The following PBX1 variants were observed in gnomAD, a reference collection of about 807,000 sequenced individuals.
The protein encoded by PBX1 is PBX homeobox 1.
Under a neutral mutation model 53.4 loss-of-function variants are expected in PBX1, and 6 were observed. The observed-to-expected ratio is 0.11, with a 90% CI of 0.06 to 0.22. The LOEUF (loss-of-function observed/expected upper bound fraction) is 0.22, where lower values mean the gene tolerates loss of function less well. PBX1 is among the 10% of genes least tolerant of loss of function. The pLI is 1.00. For missense variants in PBX1, 251 were observed against 551.4 expected (o/e 0.46, Z 5.46); for synonymous variants, 204 against 212.3 (o/e 0.96, Z 0.34).
chr1:164,703,909 T>A (rs1663276729), intron 2 of PBX1, among the ~76,000 whole-genome samples: 1 of 152,194 alleles, frequency 6.6e-6, no homozygotes, highest in Non-Finnish European at 1.5e-5. Flanking sequence ...AATCTCTTTT[T>A]ATTGGCATTT....
rs559629839 is a variant in PBX1 at position 164,758,827 on chromosome 1, C to T, written c.266-33667C>T. ...ATGAGCTGAGTGCCTGTTGTGCTCA[C>T]CTAGCATCGTGTCTGGCACATAGTA... On this transcript the variant is annotated intron_variant, in intron 2 of 8. Transcript: ENST00000420696. 4.6e-5 allele frequency among the ~76,000 whole-genome samples: 7 copies of T among 152,238 alleles called. No individual in the cohort carries two copies. In the South Asian group the frequency reaches 8.3e-4, roughly 18 times the overall value.
At chr1:164,619,132 GA>G (rs1382302469) in intron 2 of PBX1, among the ~76,000 whole-genome samples, 1 of 152,106 alleles carries the variant, frequency 6.6e-6, no homozygotes, top group Non-Finnish European at 1.5e-5. Flanking sequence ...AAACTCACAG[GA>G]AACCAGCTCT....
intron 2 of PBX1, among the ~76,000 whole-genome samples, chr1:164,720,924 C>T (rs1349952206): frequency 1.3e-5 from 2 of 152,336 alleles, no homozygotes; most frequent in African/African-American, 4.8e-5. Flanking sequence ...GGTATATTTA[C>T]AGTGACTGTG....
At chr1:164,751,239 C>T (rs1666195577) in intron 2 of PBX1, among the ~76,000 whole-genome samples, 1 of 149,398 alleles carries the variant, frequency 6.7e-6, no homozygotes, top group Non-Finnish European at 1.5e-5. Context: ...CGCTTGAGCC[C>T]AGGAGGTGGA....
At chr1:164,749,077 C>G (rs886840861) in intron 2 of PBX1, among the ~76,000 whole-genome samples, 3 of 152,128 alleles carry the variant, frequency 2.0e-5, no homozygotes, top group African/African-American at 7.2e-5. Context: ...AGATATTCTT[C>G]CTTGTCTTCA....
At chr1:164,799,997 A>C in intron 4 of PBX1, 108 bp downstream of exon 4, 1 of 992,896 alleles carries the variant, frequency 1.0e-6, no homozygotes, top group Non-Finnish European at 1.5e-6. Flanking sequence ...ATCAACGCTG[A>C]ACCAAGTGAT....
At chr1:164,679,632 G>A (rs746214616) in intron 2 of PBX1, among the ~76,000 whole-genome samples, 5 of 152,132 alleles carry the variant, frequency 3.3e-5, no homozygotes, top group Non-Finnish European at 7.3e-5. Flanking sequence ...CCCAACACCT[G>A]TATTGAATCT....
In PBX1 at chr1:164,820,176, C is replaced by G; in HGVS notation, c.1102C>G (p.Gln368Glu). The G allele has an allele frequency of 6.2e-7, 1 of 1,601,214 alleles. No individual in the cohort carries two copies. Among genetic ancestry groups the G allele is most frequent in the East Asian group, 2.2e-5 (1 of 44,808 alleles). The change falls in exon 7 of 9, where the codon CAA (glutamine) becomes GAA (glutamate). Residue 368 changes from glutamine to glutamate, a missense_variant. Gln to Glu is a conservative substitution (Grantham distance 29). Coordinates refer to ENST00000420696, the MANE Select transcript of PBX1 (RefSeq NM_002585.4). ...YQGAQVGANVQSQVDTLRHVI... is the reference protein window; with the variant it reads ...YQGAQVGANVESQVDTLRHVI... The stretch of plus-strand genomic sequence containing the variant: ...AGGGGCCCAGGTTGGAGCCAACGTG[C>G]AATCACAGGTAGGGACCCAGCCAAT...
chr1:164,849,294 A>T lies in PBX1; in HGVS notation c.*2618A>T. The T allele has an allele frequency of 2.6e-6, 4 of 1,534,672 alleles. No homozygotes were observed. The highest frequency in any genetic ancestry group is 3.5e-6 in the Non-Finnish European group (4 of 1,146,148). On this transcript the variant is annotated 3_prime_UTR_variant, in exon 9 of 9. Coordinates refer to ENST00000420696, the MANE Select transcript of PBX1 (RefSeq NM_002585.4). Reference sequence around the variant, plus strand: ...GTTTTCACTGATGATCACCTTTCACAGCATTTTCCCCAACCAGCATTTCAC... The same window carrying T: ...GTTTTCACTGATGATCACCTTTCACTGCATTTTCCCCAACCAGCATTTCAC...
intron 2 of PBX1, among the ~76,000 whole-genome samples, chr1:164,744,530 T>A (rs1345964342): frequency 6.6e-6 from 1 of 152,220 alleles, no homozygotes; most frequent in Non-Finnish European, 1.5e-5. Flanking sequence ...CATTAGATCC[T>A]CTCAGAACTC....
rs539551033 is a variant in PBX1 at position 164,652,292 on chromosome 1, G to A, written c.265+88981G>A. Among the ~76,000 whole-genome samples, 42 of 152,182 alleles carry A rather than the reference G, an allele frequency of 2.8e-4. 1 individual carries two copies. The South Asian group carries it at 8.5e-3, about 31-fold the overall frequency. On this transcript the variant is annotated intron_variant, in intron 2 of 8. Transcript: ENST00000420696. The stretch of plus-strand genomic sequence containing the variant: ...AGGACGGTCTCTATCTCCTGACCTC[G>A]TATAAATTTAAATAACCCCTGTGGG...
chr1:164,629,396 A>G (rs1658263078), intron 2 of PBX1, among the ~76,000 whole-genome samples: 1 of 152,124 alleles, frequency 6.6e-6, no homozygotes, highest in Non-Finnish European at 1.5e-5. Flanking sequence ...TTGACAGGTT[A>G]CCATGTGCAT....
chr1:164,880,664 C>T (rs1394200678), intron 2 of PBX1, among the ~76,000 whole-genome samples: 1 of 152,204 alleles, frequency 6.6e-6, no homozygotes, highest in African/African-American at 2.4e-5. Flanking sequence ...TGCCTTTGGT[C>T]AAGTGCTAAA....
rs532926096 is a variant in PBX1 at position 164,846,128 on chromosome 1, G to A, written c.1201-456G>A. Among the ~76,000 whole-genome samples the A allele has an allele frequency of 3.2e-4, 48 of 151,946 alleles. No individual in the cohort carries two copies. The South Asian group carries it at 7.7e-3, about 24-fold the overall frequency. On this transcript the variant is annotated intron_variant, in intron 8 of 8. Transcript: ENST00000420696. The stretch of plus-strand genomic sequence containing the variant: ...AATACCTGGAATCCCATAAATACAT[G>A]GGACATCCAGAGTCAGAAAGAACCC...
At chr1:164,819,903 T>C (rs759569341) in intron 6 of PBX1, 169 bp from the exon 7 acceptor site, 17 of 580,864 alleles carry the variant, frequency 2.9e-5, no homozygotes, top group Non-Finnish European at 4.6e-5. Flanking sequence ...CACCCTTTAT[T>C]GCTTGCTCTG....
intron 2 of PBX1, among the ~76,000 whole-genome samples, chr1:164,720,594 A>G (rs1176187118): frequency 6.6e-6 from 1 of 152,218 alleles, no homozygotes; most frequent in Non-Finnish European, 1.5e-5. Flanking sequence ...GGAAGAAGTC[A>G]TGGAAACAAA....
chr1:164,881,940 C>G (rs1045093375), intron 2 of PBX1, among the ~76,000 whole-genome samples: 12 of 152,138 alleles, frequency 7.9e-5, no homozygotes, highest in Non-Finnish European at 1.2e-4. Context: ...ACCATCAGGT[C>G]CCACCCGCTA....
intron 4 of PBX1, 114 bp downstream of exon 4, chr1:164,800,003 G>A: frequency 1.1e-6 from 1 of 925,014 alleles, no homozygotes; most frequent in Non-Finnish European, 1.6e-6. Flanking sequence ...GCTGAACCAA[G>A]TGATACCCTG....
chr1:164,633,868 A>G (rs557432794), intron 2 of PBX1, among the ~76,000 whole-genome samples: 1 of 152,232 alleles, frequency 6.6e-6, no homozygotes, highest in Non-Finnish European at 1.5e-5. Context: ...TGCCTGGTGC[A>G]TGTTAAGCCT....
Sources: gnomAD v4.1 joint callset for allele counts (sites outside exome capture counted in the v4.1 genomes callset) on GRCh38, gnomAD v4.1.1 for gene constraint, MANE v1.5 for transcripts, NCBI Gene and HGNC (gene_info 2026-07-23, HGNC 2026-07-21) for gene names.